ADAP2: variants seen among roughly 807,000 people sequenced by gnomAD.
ADAP2 encodes ArfGAP with dual PH domains 2, also known as arf-GAP with dual PH domain-containing protein 2.
In ADAP2, 42 loss-of-function variants were observed where a neutral mutation model predicts 54.9. The observed-to-expected ratio is 0.77, with a 90% CI of 0.60 to 0.99. The LOEUF is 0.99. Ranked by LOEUF, ADAP2 falls within the 50% of genes least tolerant of loss-of-function variation. The pLI, the probability that ADAP2 is intolerant of heterozygous loss-of-function variation, is 0.00. For synonymous variants in ADAP2, 177 were observed against 180.1 expected, an observed-to-expected ratio of 0.98 and a Z score of 0.14; for missense variants, 429 against 480.4, an observed-to-expected ratio of 0.89 and a Z score of 1.00.
chr17:30,956,098 T>G, intron 9 of ADAP2, 143 bp from the exon 10 acceptor site: 1 of 665,090 alleles, frequency 1.5e-6, no homozygotes, highest in Non-Finnish European at 2.6e-6. Flanking sequence ...GTTTTGATCT[T>G]TCAAATTCTG....
chr17:30,954,678 T>C lies in ADAP2; in HGVS notation c.882+123T>C, dbSNP rs144506344. The stretch of plus-strand genomic sequence containing the variant: ...CAGAGCCCCAGAGCTAGAGAAACCT[T>C]GAGAGGAAAACCTCTACCCCTTGTT... On this transcript the variant is annotated intron_variant, in intron 9 of 10. Coordinates refer to ENST00000330889, the MANE Select transcript of ADAP2 (RefSeq NM_018404.3). The C allele has an allele frequency of 3.0e-4, 233 of 789,166 alleles. 2 individuals carry two copies. In the East Asian group the frequency reaches 5.6e-3, roughly 19 times the overall value. The allele number at this position is 789,166 out of a possible 1,614,324, so 48.9% of individuals were successfully genotyped here. A position where few individuals can be genotyped will look rare whatever the true frequency, so the allele number is the denominator to read the frequency against.
intron 3 of ADAP2, 120 bp from the exon 4 acceptor site, chr17:30,931,769 C>T (rs982682951): frequency 8.1e-5 from 51 of 631,932 alleles, no homozygotes; most frequent in Non-Finnish European, 1.1e-4. Context: ...TGCAGTGAGC[C>T]GTGATCACGT....
intron 7 of ADAP2, among the ~76,000 whole-genome samples, chr17:30,952,914 G>C (rs1904783665): frequency 6.6e-6 from 1 of 152,088 alleles, no homozygotes; most frequent in South Asian, 2.1e-4. Context: ...TAATGAGGCT[G>C]GTGATACCCA....
At chr17:30,940,375 G>T (rs573177389) in intron 5 of ADAP2, among the ~76,000 whole-genome samples, 7 of 151,784 alleles carry the variant, frequency 4.6e-5, no homozygotes, top group African/African-American at 1.7e-4. Context: ...CACGATCTCG[G>T]CTCACTGCAA....
At chr17:30,942,388 T>C (rs1256541746) in intron 5 of ADAP2, among the ~76,000 whole-genome samples, 3 of 152,174 alleles carry the variant, frequency 2.0e-5, no homozygotes, top group Admixed American at 1.3e-4. Flanking sequence ...TTGATGGAAG[T>C]AAATATTGGT....
intron 4 of ADAP2, among the ~76,000 whole-genome samples, chr17:30,933,728 G>A (rs547838830): frequency 1.3e-5 from 2 of 152,134 alleles, no homozygotes; most frequent in Admixed American, 1.3e-4. Context: ...TTGAACTCCC[G>A]ACCTTGTGAT....
chr17:30,936,910 A>G (rs149395216), intron 5 of ADAP2, among the ~76,000 whole-genome samples: 16 of 152,206 alleles, frequency 1.1e-4, no homozygotes, highest in Non-Finnish European at 2.2e-4. Flanking sequence ...GAGAAGTGAT[A>G]TTATTTGACT....
intron 7 of ADAP2, among the ~76,000 whole-genome samples, chr17:30,951,719 C>A (rs142369600): frequency 6.7e-6 from 1 of 150,144 alleles, no homozygotes; most frequent in Non-Finnish European, 1.5e-5. Flanking sequence ...GCAGTGGCGC[C>A]ATCTTGGCTC....
At chr17:30,941,746 A>C (rs1040763068) in intron 5 of ADAP2, among the ~76,000 whole-genome samples, 2 of 152,180 alleles carry the variant, frequency 1.3e-5, no homozygotes, top group Non-Finnish European at 2.9e-5. Flanking sequence ...GCAAAACTGT[A>C]CTGATAGAAG....
At chr17:30,934,375 T>C in intron 5 of ADAP2, 78 bp downstream of exon 5, 1 of 950,484 alleles carries the variant, frequency 1.1e-6, no homozygotes, top group East Asian at 2.6e-5. Context: ...TAATCAGTGG[T>C]GCCCTTTTCT....
intron 1 of ADAP2, 135 bp from the exon 2 acceptor site, chr17:30,922,805 G>T: frequency 5.9e-6 from 6 of 1,008,490 alleles, no homozygotes; most frequent in Non-Finnish European, 8.7e-6. Flanking sequence ...GGGCTAACCA[G>T]AAGGTGCCAG....
chr17:30,936,195 G>C (rs150629591), intron 5 of ADAP2, among the ~76,000 whole-genome samples: 4 of 151,718 alleles, frequency 2.6e-5, no homozygotes, highest in Admixed American at 2.6e-4. Flanking sequence ...TCCTCTGTTG[G>C]CCAGGCTGGA....
intron 6 of ADAP2, among the ~76,000 whole-genome samples, chr17:30,946,614 C>T (rs561058924): frequency 6.6e-6 from 1 of 152,230 alleles, no homozygotes; most frequent in South Asian, 2.1e-4. Context: ...AGCAGGGTCA[C>T]ATAACTAGGC....
intron 1 of ADAP2, among the ~76,000 whole-genome samples, chr17:30,922,478 G>C (rs986554287): frequency 1.3e-5 from 2 of 152,176 alleles, no homozygotes; most frequent in Non-Finnish European, 2.9e-5. Context: ...GCACCCAGGC[G>C]CGCCCCACGC....
At chr17:30,935,064 C>CAAAACA (rs549583990) in intron 5 of ADAP2, among the ~76,000 whole-genome samples, 2 of 151,870 alleles carry the variant, frequency 1.3e-5, no homozygotes. Flanking sequence ...AAAAACAAAA[C>CAAAACA]AAAACAAAAA....
At chr17:30,945,749 C>G (rs1487531400) in intron 6 of ADAP2, among the ~76,000 whole-genome samples, 1 of 147,774 alleles carries the variant, frequency 6.8e-6, no homozygotes, top group Non-Finnish European at 1.5e-5. Flanking sequence ...AGAGCAGGAC[C>G]CTGTCTCAAA....
chr17:30,948,355 G>A (rs984236398), intron 6 of ADAP2, among the ~76,000 whole-genome samples: 1 of 151,500 alleles, frequency 6.6e-6, no homozygotes, highest in African/African-American at 2.4e-5. Flanking sequence ...GAGGCGGGCA[G>A]ATCACGAGAC....
chr17:30,938,500 T>C (rs1188354383), intron 5 of ADAP2, among the ~76,000 whole-genome samples: 1 of 152,150 alleles, frequency 6.6e-6, no homozygotes, highest in East Asian at 1.9e-4. Flanking sequence ...GAGGGTCACG[T>C]ATACACTGGG....
At chr17:30,935,252 C>T (rs1352896631) in intron 5 of ADAP2, among the ~76,000 whole-genome samples, 1 of 152,128 alleles carries the variant, frequency 6.6e-6, no homozygotes, top group Non-Finnish European at 1.5e-5. Context: ...CCTGTAATCC[C>T]AGCTACTCGG....
Sources: allele counts gnomAD v4.1 joint callset (sites outside exome capture counted in the v4.1 genomes callset), GRCh38; gene constraint gnomAD v4.1.1; transcripts MANE v1.5; gene names NCBI Gene and HGNC (gene_info 2026-07-23, HGNC 2026-07-21).